SPECC1: variants seen among roughly 807,000 people sequenced by gnomAD.
The protein encoded by SPECC1 is cytospin-B.
SPECC1 carries 62 observed loss-of-function variants against 104.1 expected under a neutral mutation model. The ratio of observed to expected loss-of-function variants is 0.60; its 90% CI spans 0.49 to 0.74. The LOEUF is 0.74. Among genes scored for constraint, SPECC1 ranks in the 30% least tolerant of loss-of-function variants. The pLI is 0.00. For synonymous variants in SPECC1, 513 were observed against 501.6 expected (o/e 1.02, Z -0.30); for missense variants, 1,306 against 1,310.5 (o/e 1.00, Z 0.05).
At chr17:20,302,105 A>AC (rs1424644681) in intron 13 of SPECC1, among the ~76,000 whole-genome samples, 2 of 152,236 alleles carry the variant, frequency 1.3e-5, no homozygotes, top group Admixed American at 6.5e-5. Flanking sequence ...AGTGGACTGG[A>AC]CCTTGCTTAT....
rs1555538226 is a variant in SPECC1, at chr17:20,314,691, C to CT, written c.*627dup. On this transcript the variant is annotated 3_prime_UTR_variant, in exon 15 of 15. Coordinates refer to ENST00000395527, the MANE Select transcript of SPECC1 (RefSeq NM_001243439.2). ...GCCCTTGTGAACCCTCCCTTCCCCC[C>CT]TCCCCCCCCAAAAAAAAACAACAAA... 1 of 155,296 alleles carries CT rather than the reference C, an allele frequency of 6.4e-6. No individual in the cohort carries two copies. Among genetic ancestry groups the CT allele is most frequent in the Non-Finnish European group, 1.2e-5 (1 of 85,428 alleles). The allele number at this position is 155,296 out of a possible 1,614,324, so 9.6% of individuals were successfully genotyped here.
intron 1 of SPECC1, among the ~76,000 whole-genome samples, chr17:20,025,451 G>A (rs1040921038): frequency 3.9e-5 from 6 of 152,154 alleles, no homozygotes; most frequent in Admixed American, 6.5e-5. Context: ...CATTTCCGAT[G>A]CATGGAATCA....
rs774665809 is a variant in SPECC1, at chr17:20,096,715, G to A, written c.64G>A (p.Val22Met). 4.3e-6 allele frequency: 7 copies of A among 1,614,242 alleles called. No homozygotes were observed. The highest frequency in any genetic ancestry group is 1.6e-4 in the Middle Eastern group (1 of 6,062). Residue 22 changes from valine to methionine, a missense_variant, in exon 2 of 15, where the codon GTG becomes ATG. This residue lies in a region of SPECC1 where 1,177 missense variants were observed against 1,139.9 expected (regional missense o/e 1.03). Coordinates refer to ENST00000395527, the MANE Select transcript of SPECC1 (RefSeq NM_001243439.2). The stretch of plus-strand genomic sequence containing the variant: ...AGCAGGGGGCCACGGCCCAGACCGG[G>A]TGCGGCCTCTGCCTGCAGCCTCTTC... ...IRAGGHGPDR[V>M]RPLPAASSGM...
intron 1 of SPECC1, among the ~76,000 whole-genome samples, chr17:20,088,395 C>T (rs528513346): frequency 6.6e-6 from 1 of 152,134 alleles, no homozygotes; most frequent in Admixed American, 6.5e-5. Flanking sequence ...GAGCAGAAGC[C>T]AAGAGCCAGT....
chr17:20,292,697 C>T (rs1046439982), intron 12 of SPECC1, among the ~76,000 whole-genome samples: 1 of 152,122 alleles, frequency 6.6e-6, no homozygotes, highest in East Asian at 1.9e-4. Flanking sequence ...ACTTTGAAGC[C>T]AAGAGTCCAC....
chr17:20,156,259 G>A, intron 3 of SPECC1: 1 of 1,333,752 alleles, frequency 7.5e-7, no homozygotes, highest in Non-Finnish European at 9.6e-7. Context: ...GGCGGGGGTC[G>A]CGCCGCAGCC....
chr17:20,029,768 G>GGAAA (rs1249880306), intron 1 of SPECC1, among the ~76,000 whole-genome samples: 9 of 152,022 alleles, frequency 5.9e-5, no homozygotes, highest in Non-Finnish European at 1.3e-4. Flanking sequence ...TTTTATTTCT[G>GGAAA]ATTCTAGTAA....
intron 1 of SPECC1, among the ~76,000 whole-genome samples, chr17:20,080,055 C>T (rs1260663099): frequency 2.0e-5 from 3 of 152,186 alleles, no homozygotes; most frequent in Admixed American, 6.5e-5. Context: ...ACTACCATTA[C>T]TTATTACAGT....
intron 1 of SPECC1, among the ~76,000 whole-genome samples, chr17:20,030,698 G>A (rs2044773473): frequency 6.6e-6 from 1 of 152,098 alleles, no homozygotes; most frequent in Non-Finnish European, 1.5e-5. Flanking sequence ...AATTTTCTGT[G>A]AGAATTCAGA....
chr17:20,243,244 T>C (rs2039280314), intron 7 of SPECC1, among the ~76,000 whole-genome samples: 1 of 152,208 alleles, frequency 6.6e-6, no homozygotes, highest in South Asian at 2.1e-4. Context: ...CAAGTGTTTC[T>C]CCAGTAGTGG....
chr17:20,298,089 C>T (rs551821513), intron 13 of SPECC1, among the ~76,000 whole-genome samples: 7 of 152,228 alleles, frequency 4.6e-5, no homozygotes, highest in African/African-American at 1.2e-4. Flanking sequence ...TAGTGGCTCC[C>T]GCCTGTAATC....
At chr17:20,266,176 TTGAA>T (rs1188894184) in intron 12 of SPECC1, among the ~76,000 whole-genome samples, 1 of 152,260 alleles carries the variant, frequency 6.6e-6, no homozygotes, top group Non-Finnish European at 1.5e-5. Flanking sequence ...GTATAGCCAT[TTGAA>T]TGATACTGAT....
rs143833783 is a variant in SPECC1 at position 20,145,548 on chromosome 17, C to A, written c.283+34986C>A. Among the ~76,000 whole-genome samples, 7 of 152,236 alleles carry A rather than the reference C, an allele frequency of 4.6e-5. No homozygotes were observed. The East Asian group carries it at 1.2e-3, about 25-fold the overall frequency. On this transcript the variant is annotated intron_variant, in intron 3 of 14. Transcript: ENST00000395527. ...GCAACCTCAAACCGAGGACAGAGTCCCATGGAAGAAGAAGGTTTCAGTATC... is the reference window on the plus strand; with the variant it reads ...GCAACCTCAAACCGAGGACAGAGTCACATGGAAGAAGAAGGTTTCAGTATC...
chr17:20,099,694 CAAAA>C (rs768172798), intron 2 of SPECC1, among the ~76,000 whole-genome samples: 43 of 17,418 alleles, frequency 2.5e-3, no homozygotes, highest in African/African-American at 3.8e-3. Context: ...CACTCTATCT[CAAAA>C]AAAAAAAAAA....
chr17:20,091,145 T>A (rs1240725206), intron 1 of SPECC1, among the ~76,000 whole-genome samples: 1 of 152,210 alleles, frequency 6.6e-6, no homozygotes, highest in Non-Finnish European at 1.5e-5. Context: ...TTGGAATTTT[T>A]CTTCTGATGC....
chr17:20,192,371 G>A (rs1395479515), intron 3 of SPECC1, among the ~76,000 whole-genome samples: 1 of 152,082 alleles, frequency 6.6e-6, no homozygotes, highest in Non-Finnish European at 1.5e-5. Flanking sequence ...CTCCCAGCCT[G>A]TGGCTTGTGT....
At chr17:20,200,673 G>T (rs1243335293) in intron 3 of SPECC1, among the ~76,000 whole-genome samples, 2 of 152,184 alleles carry the variant, frequency 1.3e-5, no homozygotes, top group Non-Finnish European at 2.9e-5. Context: ...GTAAGCTGTA[G>T]GGCTGTTGCT....
chr17:20,021,567 C>T (rs2044374869), intron 1 of SPECC1, among the ~76,000 whole-genome samples: 1 of 151,334 alleles, frequency 6.6e-6, no homozygotes, highest in Admixed American at 6.6e-5. Context: ...TGGTGTGTGC[C>T]TATACTTAAT....
At chr17:20,012,096 A>G (rs1353819457) in intron 1 of SPECC1, among the ~76,000 whole-genome samples, 19 of 152,002 alleles carry the variant, frequency 1.2e-4, no homozygotes, top group Admixed American at 1.2e-3. Flanking sequence ...GTATTTTTTT[A>G]TATTTTTAAA....
Sources: gnomAD v4.1 joint callset for allele counts (sites outside exome capture counted in the v4.1 genomes callset) on GRCh38, gnomAD v4.1.1 for gene constraint, gnomAD v4.1.1 regional missense constraint, MANE v1.5 for transcripts, NCBI Gene and HGNC (gene_info 2026-07-23, HGNC 2026-07-21) for gene names.